Variants in RNF111 observed in about 807,000 individuals in gnomAD.
RNF111 encodes E3 ubiquitin-protein ligase Arkadia.
Under a neutral mutation model 95.1 loss-of-function variants are expected in RNF111, and 17 were observed. That is an observed-to-expected ratio of 0.18 (90% CI 0.12 to 0.27). The LOEUF (loss-of-function observed/expected upper bound fraction) is 0.27. Among genes scored for constraint, RNF111 ranks in the 10% least tolerant of loss-of-function variants. The pLI is 1.00. For synonymous variants in RNF111, 440 were observed against 414.8 expected (o/e 1.06, Z -0.74); for missense variants, 1,189 against 1,210.4 (o/e 0.98, Z 0.26).
intron 1 of RNF111, among the ~76,000 whole-genome samples, chr15:59,013,278 G>T (rs1177747626): frequency 5.3e-5 from 8 of 152,150 alleles, no homozygotes; most frequent in African/African-American, 1.9e-4. Context: ...TACCCTTGTT[G>T]TTAACATCTT....
intron 2 of RNF111, among the ~76,000 whole-genome samples, chr15:59,046,987 C>T (rs1397130257): frequency 6.6e-6 from 1 of 152,076 alleles, no homozygotes; most frequent in African/African-American, 2.4e-5. Context: ...ACCACCTCAG[C>T]CTCCGGAGTA....
At chr15:59,009,320 T>C (rs1471494175) in intron 1 of RNF111, among the ~76,000 whole-genome samples, 1 of 152,064 alleles carries the variant, frequency 6.6e-6, no homozygotes, top group African/African-American at 2.4e-5. Context: ...TCTTGGGATA[T>C]TTCATCTTAG....
At chr15:59,088,065 A>G (rs2078948547) in intron 10 of RNF111, among the ~76,000 whole-genome samples, 1 of 152,178 alleles carries the variant, frequency 6.6e-6, no homozygotes, top group African/African-American at 2.4e-5. Context: ...GTTGGCAGTA[A>G]TTCCAGGATT....
chr15:59,072,017 T>TA (rs1444884182), intron 6 of RNF111, among the ~76,000 whole-genome samples: 1 of 152,244 alleles, frequency 6.6e-6, no homozygotes, highest in Admixed American at 6.5e-5. Flanking sequence ...TACTTCAGTT[T>TA]AAAAATACCT....
intron 12 of RNF111, among the ~76,000 whole-genome samples, chr15:59,092,214 T>TA (rs1266657662): frequency 3.3e-5 from 5 of 152,202 alleles, no homozygotes; most frequent in African/African-American, 1.2e-4. Flanking sequence ...AAAAAAAACT[T>TA]ATTTATGCTC....
At chr15:59,003,923 C>G (rs1490016102) in intron 1 of RNF111, 2 of 163,916 alleles carry the variant, frequency 1.2e-5, no homozygotes, top group Non-Finnish European at 2.7e-5. Flanking sequence ...GATACTGTAT[C>G]TTCTAAAATA....
intron 1 of RNF111, among the ~76,000 whole-genome samples, chr15:59,010,652 T>G (rs1025842434): frequency 2.0e-5 from 3 of 152,178 alleles, no homozygotes; most frequent in African/African-American, 7.2e-5. Flanking sequence ...TCTGCCCACT[T>G]TGGCCTCCCA....
At chr15:59,043,150 T>C (rs2041546436) in intron 2 of RNF111, among the ~76,000 whole-genome samples, 1 of 150,886 alleles carries the variant, frequency 6.6e-6, no homozygotes, top group Non-Finnish European at 1.5e-5. Flanking sequence ...AAGTGTACAA[T>C]TTAGTAATTT....
At chr15:59,084,397 C>T in intron 9 of RNF111, 143 bp downstream of exon 9, 1 of 762,696 alleles carries the variant, frequency 1.3e-6, no homozygotes, top group Non-Finnish European at 1.9e-6. Flanking sequence ...TGCCTCTGGG[C>T]AGATAGAGGT....
intron 3 of RNF111, among the ~76,000 whole-genome samples, chr15:59,054,403 G>A (rs2042120850): frequency 6.6e-6 from 1 of 152,082 alleles, no homozygotes; most frequent in South Asian, 2.1e-4. Flanking sequence ...TTTCACAAAA[G>A]TACTGCAAAG....
intron 1 of RNF111, chr15:59,004,109 T>C: frequency 8.7e-7 from 1 of 1,151,220 alleles, no homozygotes; most frequent in Non-Finnish European, 1.1e-6. Context: ...GATTTATTTA[T>C]TTTATTCCAG....
rs190097365 is a variant in RNF111 at position 59,011,949 on chromosome 15, T to G, written c.-19-18855T>G. Among the ~76,000 whole-genome samples the G allele has an allele frequency of 9.9e-3, 1,488 of 150,784 alleles. 10 individuals carry two copies. The highest frequency in any genetic ancestry group is 0.016 in the Non-Finnish European group (1,113 of 67,722). ...TGTCAAAGTTGGGACCAAAGATTCC[T>G]AGCTTATATAAGAATAAGTGGCTTA... On this transcript the variant is annotated intron_variant, in intron 1 of 13. Transcript: ENST00000348370.
chr15:59,063,132 G>A (rs774227049), intron 5 of RNF111, among the ~76,000 whole-genome samples: 1 of 152,254 alleles, frequency 6.6e-6, no homozygotes, highest in East Asian at 1.9e-4. Flanking sequence ...TCTTCTTGGC[G>A]CTTAGCTACA....
At chr15:59,072,643 G>C (rs1392565438) in intron 6 of RNF111, among the ~76,000 whole-genome samples, 3 of 151,280 alleles carry the variant, frequency 2.0e-5, no homozygotes, top group Non-Finnish European at 4.4e-5. Flanking sequence ...TAGTAGAGAC[G>C]GGGTTTCACC....
chr15:59,060,809 T>TC (rs5812961), intron 5 of RNF111, among the ~76,000 whole-genome samples: 2 of 148,372 alleles, frequency 1.3e-5, no homozygotes, highest in African/African-American at 2.5e-5. Flanking sequence ...TTATTATTAT[T>TC]TTTTTTTTTG....
intron 6 of RNF111, among the ~76,000 whole-genome samples, chr15:59,072,996 ACT>A: frequency 6.6e-6 from 1 of 151,728 alleles, no homozygotes; most frequent in African/African-American, 2.4e-5. Context: ...ACATGGCAAG[ACT>A]CTGTCTCTAC....
rs528814698 is a variant in RNF111, at chr15:59,090,241, GTTT to G, written c.2643+487_2643+489del. On this transcript the variant is annotated intron_variant, in intron 11 of 13. Transcript: ENST00000348370. ...GTTTGTTTGTTTGTTTGTTGTTGTT[GTTT>G]TTTTAGATGGAGTCTTGCTCTGTCA... Among the ~76,000 whole-genome samples, 658 of 151,898 alleles carry G rather than the reference GTTT, an allele frequency of 4.3e-3. 4 individuals carry two copies. Among genetic ancestry groups the G allele is most frequent in the Middle Eastern group, 0.034 (10 of 292 alleles).
At chr15:59,005,451 G>A (rs759961009) in intron 1 of RNF111, among the ~76,000 whole-genome samples, 5 of 152,120 alleles carry the variant, frequency 3.3e-5, no homozygotes, top group Non-Finnish European at 7.4e-5. Context: ...TTGTTTCCTT[G>A]GGCAGTTTTG....
intron 5 of RNF111, among the ~76,000 whole-genome samples, chr15:59,066,525 G>A (rs142141117): frequency 9.0e-4 from 137 of 152,042 alleles, no homozygotes; most frequent in African/African-American, 3.2e-3. Context: ...GAGGAAAATC[G>A]CTTGAACCCA....
Sources: gnomAD v4.1 joint callset for allele counts (sites outside exome capture counted in the v4.1 genomes callset) on GRCh38, gnomAD v4.1.1 for gene constraint, MANE v1.5 for transcripts, NCBI Gene and HGNC (gene_info 2026-07-23, HGNC 2026-07-21) for gene names.